Variants in PDE9A observed in about 807,000 individuals in gnomAD.
PDE9A encodes phosphodiesterase 9A.
PDE9A carries 60 observed loss-of-function variants against 87.4 expected under a neutral mutation model. The ratio of observed to expected loss-of-function variants is 0.69; its 90% CI spans 0.56 to 0.85. The LOEUF (loss-of-function observed/expected upper bound fraction) is 0.85. PDE9A is among the 40% of genes least tolerant of loss of function. The pLI, the probability that PDE9A is intolerant of heterozygous loss-of-function variation, is 0.00. For synonymous variants in PDE9A, 272 were observed against 279.4 expected (o/e 0.97, Z 0.27); for missense variants, 665 against 779.0 (o/e 0.85, Z 1.74).
Position 42,686,270 on chromosome 21 carries a change from CG to C in PDE9A, c.140+9del, listed in dbSNP as rs1872005635. 1 of 1,610,596 alleles carries C rather than the reference CG, an allele frequency of 6.2e-7. No homozygotes were observed. The highest frequency in any genetic ancestry group is 8.5e-7 in the Non-Finnish European group (1 of 1,176,942). ...CGCCACCGGCCTGCCTCGGTGAGTG[CG>C]CGCTGCGGGCTCTGCCCGGTGACGC... is the stretch of plus-strand genomic sequence containing the variant. On this transcript the variant is annotated intron_variant, in intron 2 of 19. Transcript: ENST00000291539.
At chr21:42,765,249 A>G in intron 14 of PDE9A, 132 bp from the exon 15 acceptor site, 1 of 589,570 alleles carries the variant, frequency 1.7e-6, no homozygotes, top group East Asian at 3.1e-5. Context: ...TGGATGGGTG[A>G]TGGATGCACA....
chr21:42,724,529 A>C (rs745468585), intron 4 of PDE9A: 1 of 959,318 alleles, frequency 1.0e-6, no homozygotes, highest in Admixed American at 6.2e-5. Flanking sequence ...CTTTGTGCAC[A>C]CTGGTGGTTT....
chr21:42,686,278 G>C lies in PDE9A; in HGVS notation c.140+16G>C. On this transcript the variant is annotated intron_variant, in intron 2 of 19. Transcript: ENST00000291539. ...GCCTGCCTCGGTGAGTGCGCGCTGC[G>C]GGCTCTGCCCGGTGACGCCACGCGG... The C allele has an allele frequency of 1.2e-6, 2 of 1,608,858 alleles. No individual in the cohort carries two copies. Among genetic ancestry groups the C allele is most frequent in the Non-Finnish European group, 1.7e-6 (2 of 1,175,454 alleles).
intron 1 of PDE9A, among the ~76,000 whole-genome samples, chr21:42,668,976 C>T (rs34718735): frequency 0.023 from 3,442 of 150,930 alleles, 66 homozygotes; most frequent in Middle Eastern, 0.048. Flanking sequence ...CCGTGTCTCC[C>T]CTCGTTAATG....
In PDE9A at chr21:42,692,166, G is replaced by T. The variant is rs1235374833; in HGVS notation, c.218+4172G>T. Among the ~76,000 whole-genome samples the T allele has an allele frequency of 6.6e-6, 1 of 152,242 alleles. No homozygotes were observed. Among genetic ancestry groups the T allele is most frequent in the Non-Finnish European group, 1.5e-5 (1 of 68,040 alleles). ...CCAGCCCCTAAACGAGGCGGGGCAT[G>T]CTGGGTGCAGGATGGAATGAGTTGG... On this transcript the variant is annotated intron_variant, in intron 3 of 19. Coordinates refer to ENST00000291539, the MANE Select transcript of PDE9A (RefSeq NM_002606.3). The surrounding 1 kb of genome is among the most constrained non-coding windows in gnomAD (Gnocchi z 4.3).
At chr21:42,768,388 A>G in intron 16 of PDE9A, 96 bp downstream of exon 16, 1 of 1,043,542 alleles carries the variant, frequency 9.6e-7, no homozygotes, top group Non-Finnish European at 1.4e-6. Flanking sequence ...GTGGTCCCGC[A>G]TATTCCCCGG....
chr21:42,677,258 T>G (rs962952792), intron 1 of PDE9A, among the ~76,000 whole-genome samples: 3 of 152,208 alleles, frequency 2.0e-5, no homozygotes, highest in Non-Finnish European at 2.9e-5. Flanking sequence ...GCTAAGGCAA[T>G]TGAATAAAGA....
intron 3 of PDE9A, among the ~76,000 whole-genome samples, chr21:42,690,943 A>G (rs555482610): frequency 3.9e-4 from 59 of 152,082 alleles, no homozygotes; most frequent in Non-Finnish European, 7.5e-4. Flanking sequence ...GCCCATCACC[A>G]TCACTAGCAA....
In PDE9A at chr21:42,773,737, A is replaced by C. The variant is rs563226268; in HGVS notation, c.1768+1217A>C. Among the ~76,000 whole-genome samples, 49 of 148,974 alleles carry C rather than the reference A, an allele frequency of 3.3e-4. 1 individual carries two copies. Among genetic ancestry groups the C allele is most frequent in the East Asian group, 3.1e-3 (15 of 4,892 alleles). ...AATGGAGTGAACCCAGGAGGCGGAG[A>C]TTGCCGTGAGCCAAGATCGCGCCAC... On this transcript the variant is annotated intron_variant, in intron 19 of 19. Transcript: ENST00000291539.
At chr21:42,769,769 C>T (rs569187958) in intron 17 of PDE9A, among the ~76,000 whole-genome samples, 4 of 151,076 alleles carry the variant, frequency 2.6e-5, no homozygotes, top group South Asian at 2.1e-4. Flanking sequence ...TGCACATGCA[C>T]GCACACAGGT....
chr21:42,654,226 T>G (rs1234381780), intron 1 of PDE9A, among the ~76,000 whole-genome samples: 3 of 152,084 alleles, frequency 2.0e-5, no homozygotes, highest in Non-Finnish European at 2.9e-5. Context: ...CCCGGGGTCG[T>G]GGTCCGCGGA....
At chr21:42,735,492 A>T (rs1162958844) in intron 7 of PDE9A, among the ~76,000 whole-genome samples, 2 of 152,214 alleles carry the variant, frequency 1.3e-5, no homozygotes, top group Admixed American at 1.3e-4. Flanking sequence ...AGGCATGAGC[A>T]TGACTGGCTA....
chr21:42,672,887 G>C (rs117127816), intron 1 of PDE9A, among the ~76,000 whole-genome samples: 3,511 of 152,292 alleles, frequency 0.023, 67 homozygotes, highest in Middle Eastern at 0.048. Flanking sequence ...CCCGAGTTAA[G>C]ACAGGCTTTT....
intron 1 of PDE9A, among the ~76,000 whole-genome samples, chr21:42,679,719 T>G (rs1447342905): frequency 6.6e-6 from 1 of 151,466 alleles, no homozygotes; most frequent in Non-Finnish European, 1.5e-5. Flanking sequence ...TAAAATAGAG[T>G]CAAATCCAGG....
At position 42,772,637 on chromosome 21, in the gene PDE9A, CTT is replaced by C. The variant is rs369837912; in HGVS notation, c.1768+129_1768+130del. On this transcript the variant is annotated intron_variant, in intron 19 of 19. Coordinates refer to ENST00000291539, the MANE Select transcript of PDE9A (RefSeq NM_002606.3). ...TTGGAATACCTTTAAATGAATGGAA[CTT>C]TTTTTTTTTTTGAAACTAAGTCTCG... 3.9e-3 allele frequency: 2,169 copies of C among 556,764 alleles called. 14 individuals carry two copies. Among genetic ancestry groups the C allele is most frequent in the African/African-American group, 0.024 (1,206 of 50,786 alleles). 34.5% of individuals were successfully genotyped at this position (556,764 alleles called of 1,614,324 possible).
chr21:42,719,352 A>C (rs2146561515), intron 4 of PDE9A, among the ~76,000 whole-genome samples: 1 of 151,976 alleles, frequency 6.6e-6, no homozygotes, highest in Non-Finnish European at 1.5e-5. Flanking sequence ...ATTCCATTCT[A>C]GGCCAAGTAC....
At chr21:42,683,870 G>T (rs1458542558) in intron 1 of PDE9A, among the ~76,000 whole-genome samples, 1 of 152,182 alleles carries the variant, frequency 6.6e-6, no homozygotes, top group Non-Finnish European at 1.5e-5. Context: ...ACAGGATGTG[G>T]TGCCCTTTGT....
chr21:42,732,376 G>A (rs1310611133), intron 6 of PDE9A, among the ~76,000 whole-genome samples: 2 of 152,240 alleles, frequency 1.3e-5, no homozygotes, highest in Non-Finnish European at 2.9e-5. Context: ...AGCTCGTGAG[G>A]TCGAGAATGT....
intron 4 of PDE9A, among the ~76,000 whole-genome samples, chr21:42,729,875 A>G (rs2051537817): frequency 6.6e-6 from 1 of 152,156 alleles, no homozygotes; most frequent in Admixed American, 6.6e-5. Context: ...TGCTCTGTAT[A>G]GCCTCAGTTC....
Sources: gnomAD v4.1 joint callset for allele counts (sites outside exome capture counted in the v4.1 genomes callset) on GRCh38, gnomAD v4.1.1 for gene constraint, Gnocchi (gnomAD v3.1) non-coding constraint, MANE v1.5 for transcripts, NCBI Gene and HGNC (gene_info 2026-07-23, HGNC 2026-07-21) for gene names.